The following AHNAK variants were observed in gnomAD, a reference collection of about 807,000 sequenced individuals.
AHNAK encodes the protein neuroblast differentiation-associated protein AHNAK.
AHNAK carries 23 observed loss-of-function variants against 37.8 expected under a neutral mutation model. The observed-to-expected ratio is 0.61, with a 90% confidence interval of 0.44 to 0.86. The LOEUF (loss-of-function observed/expected upper bound fraction) is 0.86. AHNAK is among the 40% of genes least tolerant of loss of function. The pLI is 0.00. For synonymous variants in AHNAK, 2,481 were observed against 2,636.3 expected (o/e 0.94, Z 1.80); for missense variants, 7,411 against 7,319.4 (o/e 1.01, Z -0.46).
chr11:62,446,696 C>T (rs954565885), intron 5 of AHNAK, among the ~76,000 whole-genome samples: 3 of 151,998 alleles, frequency 2.0e-5, no homozygotes, highest in Non-Finnish European at 4.4e-5. Context: ...TCTCAAAAGG[C>T]ACCAGAATCT....
Position 62,524,742 on chromosome 11 carries a change from G to A in AHNAK, c.9675C>T (p.Asp3225=), listed in dbSNP as rs775093627. Residue 3225 remains aspartate (D), a synonymous_variant, in exon 5 of 5, where the codon GAC becomes GAT. Transcript: ENST00000378024. Reference sequence around the variant, plus strand: ...TCATTTTAGGGCCTTTAAGATTGAGGTCCAAATCAGGCATTGATATTTTAG... The same window carrying A: ...TCATTTTAGGGCCTTTAAGATTGAGATCCAAATCAGGCATTGATATTTTAG... ...KAPKISMPDL[D]LNLKGPKMKG... is the part of the protein sequence containing the mutation. 35 of 1,613,982 alleles carry A rather than the reference G, an allele frequency of 2.2e-5. No homozygotes were observed. The highest frequency in any genetic ancestry group is 2.9e-5 in the Non-Finnish European group (34 of 1,180,024).
chr11:62,490,793 T>A (rs943968404), intron 5 of AHNAK, among the ~76,000 whole-genome samples: 13 of 150,264 alleles, frequency 8.7e-5, no homozygotes, highest in African/African-American at 3.3e-4. Flanking sequence ...TTGTTTTGTT[T>A]TGTTTTTTTG....
At position 62,527,004 on chromosome 11, in the gene AHNAK, C is replaced by T; in HGVS notation, c.7413G>A (p.Val2471=). Residue 2471 remains valine (V), a synonymous_variant, in exon 5 of 5, where the codon GTG becomes GTA. Transcript: ENST00000378024. ...CTTCTACCTCAGGCACAGACACATC[C>T]ACATCCCCCTTGATTTTGGGTCCTT... ...NLKGPKIKGD[V]DVSVPEVEGK... 1 of 1,614,006 alleles carries T rather than the reference C, an allele frequency of 6.2e-7. No individual in the cohort carries two copies. Among genetic ancestry groups the T allele is most frequent in the Non-Finnish European group, 8.5e-7 (1 of 1,179,930 alleles).
At chr11:62,446,514 C>A (rs1485308751) in intron 5 of AHNAK, among the ~76,000 whole-genome samples, 3 of 152,168 alleles carry the variant, frequency 2.0e-5, no homozygotes, top group Non-Finnish European at 4.4e-5. Context: ...CAGATGTGGA[C>A]TGGGGTTTTC....
rs1590643842 is a variant in AHNAK, at chr11:62,516,293, A to C, written c.*451T>G. 6 of 1,289,170 alleles carry C rather than the reference A, an allele frequency of 4.7e-6. No homozygotes were observed. The highest frequency in any genetic ancestry group is 6.1e-6 in the Non-Finnish European group (6 of 988,816). 79.9% of individuals were successfully genotyped at this position (1,289,170 alleles called of 1,614,324 possible). A position where few individuals can be genotyped will look rare whatever the true frequency, so the allele number is the denominator to read the frequency against. On this transcript the variant is annotated 3_prime_UTR_variant, in exon 5 of 5. Transcript: ENST00000378024. ...CTGTTTGAACAGATCCAGTCTCAGG[A>C]AAGAGGAAGACCTGACCTCCGTCTG...
intron 4 of AHNAK, among the ~76,000 whole-genome samples, chr11:62,509,805 C>T (rs1274778466): frequency 6.6e-6 from 1 of 151,944 alleles, no homozygotes; most frequent in African/African-American, 2.4e-5. Context: ...GTAATCCCAG[C>T]CACTCAGGAG....
intron 4 of AHNAK, among the ~76,000 whole-genome samples, chr11:62,507,297 AT>A (rs1173103619): frequency 6.6e-6 from 1 of 152,210 alleles, no homozygotes; most frequent in Non-Finnish European, 1.5e-5. Context: ...AATGAAAAAA[AT>A]AATACCCACC....
Position 62,531,883 on chromosome 11 carries a change from C to T in AHNAK, c.2534G>A (p.Ser845Asn), listed in dbSNP as rs1295652154. 4.3e-6 allele frequency: 7 copies of T among 1,613,370 alleles called. No homozygotes were observed. The highest frequency in any genetic ancestry group is 5.9e-6 in the Non-Finnish European group (7 of 1,179,900). The part of the protein sequence containing the change: ...EYDVTMPKVE[S>N]EIKVPDVELK... Reference sequence around the variant, plus strand: ...TTCAACATCAGGAACTTTAATCTCACTTTCAACCTTTGGCATTGTGACATC... The same window carrying T: ...TTCAACATCAGGAACTTTAATCTCATTTTCAACCTTTGGCATTGTGACATC... The change falls in exon 5 of 5, where the codon AGT (serine) becomes AAT (asparagine). Residue 845 changes from serine (S) to asparagine (N), a missense_variant. Physicochemically the swap from Ser to Asn is conservative, Grantham distance 46. Coordinates refer to ENST00000378024, the MANE Select transcript of AHNAK (RefSeq NM_001620.3).
rs768050835 is a variant in AHNAK at position 62,521,128 on chromosome 11, G to A, written c.13289C>T (p.Thr4430Ile). Residue 4430 changes from threonine (T) to isoleucine (I), a missense_variant, in exon 5 of 5, where the codon ACA (threonine) becomes ATA (isoleucine). By Grantham distance (89) the Thr-to-Ile change is moderately conservative. Coordinates refer to ENST00000378024, the MANE Select transcript of AHNAK (RefSeq NM_001620.3). ...CGGACCTTCAATATTGACATCAGGT[G>A]TGTCAATGTCCAAACTGGGGCCTTT... ...DIKGPSLDID[T>I]PDVNIEGPEG... 5 of 1,613,762 alleles carry A rather than the reference G, an allele frequency of 3.1e-6. No homozygotes were observed. The Admixed American group carries it at 6.7e-5, about 22-fold the overall frequency.
chr11:62,466,932 A>C (rs1938923940), intron 5 of AHNAK, among the ~76,000 whole-genome samples: 2 of 152,358 alleles, frequency 1.3e-5, no homozygotes, highest in African/African-American at 4.8e-5. Flanking sequence ...CATACCTGTT[A>C]ATTATTTGTA....
At chr11:62,511,453 G>A (rs1179411009), downstream of AHNAK, among the ~76,000 whole-genome samples, 3 of 151,812 alleles carry the variant, frequency 2.0e-5, no homozygotes, top group Admixed American at 6.6e-5. Context: ...ACGGGGTATC[G>A]CCATGTTGGC....
intron 5 of AHNAK, among the ~76,000 whole-genome samples, chr11:62,484,036 CA>C (rs56402861): frequency 0.14 from 11,200 of 77,962 alleles, 1,840 homozygotes; most frequent in African/African-American, 0.55. Flanking sequence ...GACTCCATCT[CA>C]AAAAAAAAAA....
chr11:62,522,719 C>T lies in AHNAK; in HGVS notation c.11698G>A (p.Gly3900Ser), dbSNP rs1222816816. 6 of 1,613,060 alleles carry T rather than the reference C, an allele frequency of 3.7e-6. No homozygotes were observed. Among genetic ancestry groups the T allele is most frequent in the Middle Eastern group, 1.6e-4 (1 of 6,074 alleles). ...TCCAAGTCAGGAACTTGCATGTCAC[C>T]TTCCACTTTTGGCAGAGACACATCC... ...DMDVSLPKVE[G>S]DMQVPDLDIK... Residue 3900 changes from glycine to serine, a missense_variant, in exon 5 of 5, where the codon GGT (glycine) becomes AGT (serine). By Grantham distance (56) the Gly-to-Ser change is moderately conservative (BLOSUM62 0). Transcript: ENST00000378024.
intron 5 of AHNAK, among the ~76,000 whole-genome samples, chr11:62,491,403 T>C (rs1590626507): frequency 6.6e-6 from 1 of 152,334 alleles, no homozygotes; most frequent in East Asian, 1.9e-4. Flanking sequence ...TGCCCCACCC[T>C]GGCTTCTGGG....
rs976025312 is a variant in AHNAK, at chr11:62,506,192, G to C, written c.343-14361C>G. Among the ~76,000 whole-genome samples the C allele has an allele frequency of 3.3e-5, 5 of 151,476 alleles. No individual in the cohort carries two copies. In the East Asian group the frequency reaches 7.8e-4, roughly 24 times the overall value. On this transcript the variant is annotated intron_variant, in intron 4 of 5. Transcript: ENST00000257247. ...CCACAGCACTCCAGCCTGGGCAACA[G>C]AGCGAGACCCTGTCTAAAAATAAAT...
chr11:62,522,112 T>C lies in AHNAK; in HGVS notation c.12305A>G (p.Asp4102Gly). The change falls in exon 5 of 5, where the codon GAT (aspartate) becomes GGT (glycine). Residue 4102 changes from aspartate (D) to glycine (G), a missense_variant. Transcript: ENST00000378024. ...CCCTTCTGGACCATGAATATCAATA[T>C]CAGGAGTGTCAATGTCCACTTTGGG... ...SGPKVDIDTP[D>G]IDIHGPEGKL... The C allele has an allele frequency of 6.2e-7, 1 of 1,613,850 alleles. No homozygotes were observed. The highest frequency in any genetic ancestry group is 1.7e-5 in the Admixed American group (1 of 59,988).
At chr11:62,449,720 C>T (rs917268497) in intron 5 of AHNAK, among the ~76,000 whole-genome samples, 8 of 152,194 alleles carry the variant, frequency 5.3e-5, no homozygotes, top group African/African-American at 1.9e-4. Flanking sequence ...CAATGACTAA[C>T]GTTTATTGAA....
chr11:62,434,951 AAAAG>A (rs1590574041), intron 5 of AHNAK, among the ~76,000 whole-genome samples: 1 of 151,364 alleles, frequency 6.6e-6, no homozygotes, highest in African/African-American at 2.4e-5. Flanking sequence ...AAAAAAAAAA[AAAAG>A]CCAGCTTTCT....
intron 5 of AHNAK, among the ~76,000 whole-genome samples, chr11:62,488,427 G>A (rs1275389417): frequency 2.7e-5 from 4 of 150,826 alleles, no homozygotes; most frequent in Admixed American, 2.6e-4. Flanking sequence ...CCAAGACGGA[G>A]TTTCGCTCCT....
Sources: gnomAD v4.1 joint callset for allele counts (sites outside exome capture counted in the v4.1 genomes callset) on GRCh38, gnomAD v4.1.1 for gene constraint, MANE v1.5 for transcripts, NCBI Gene and HGNC (gene_info 2026-07-23, HGNC 2026-07-21) for gene names.